The following LRFN5 variants were observed in gnomAD, a reference collection of about 807,000 sequenced individuals.
LRFN5 encodes the protein leucine rich repeat and fibronectin type III domain containing 5.
In LRFN5, 24 loss-of-function variants were observed where a neutral mutation model predicts 45.6. The observed-to-expected ratio is 0.53, with a 90% confidence interval of 0.38 to 0.74. The LOEUF (loss-of-function observed/expected upper bound fraction) is 0.74. LRFN5 is among the 30% of genes least tolerant of loss of function. LRFN5 has a pLI of 0.00. For synonymous variants in LRFN5, 340 were observed against 313.8 expected (o/e 1.08, Z -0.88); for missense variants, 776 against 861.5 (o/e 0.90, Z 1.24).
chr14:41,621,474 A>T (rs1888134285), intron 1 of LRFN5, among the ~76,000 whole-genome samples: 1 of 152,118 alleles, frequency 6.6e-6, no homozygotes, highest in South Asian at 2.1e-4. Flanking sequence ...TGAAATGATA[A>T]ATTGGCTATG....
intron 1 of LRFN5, among the ~76,000 whole-genome samples, chr14:41,652,409 G>C (rs1343285665): frequency 6.6e-6 from 1 of 152,104 alleles, no homozygotes; most frequent in Admixed American, 6.6e-5. Context: ...GCTAGGCGCT[G>C]TTCTCATTAC....
intron 2 of LRFN5, among the ~76,000 whole-genome samples, chr14:41,781,684 GAAAGAAAGAAAA>G (rs1468408853): frequency 6.8e-6 from 1 of 147,972 alleles, no homozygotes; most frequent in Non-Finnish European, 1.5e-5. Flanking sequence ...GAAAGAAAGA[GAAAGAAAGAAAA>G]AGAGAAAGAA....
intron 2 of LRFN5, among the ~76,000 whole-genome samples, chr14:41,827,702 A>G (rs926780461): frequency 6.6e-6 from 1 of 152,084 alleles, no homozygotes; most frequent in Non-Finnish European, 1.5e-5. Flanking sequence ...AAAATTAATT[A>G]TATTTGAATA....
chr14:41,853,564 G>A (rs1285219474), intron 2 of LRFN5, among the ~76,000 whole-genome samples: 1 of 151,814 alleles, frequency 6.6e-6, no homozygotes, highest in Non-Finnish European at 1.5e-5. Flanking sequence ...AGTTTCCTTG[G>A]GTTACATTAG....
Position 41,673,578 on chromosome 14 carries a change from C to A in LRFN5, c.-197+65016C>A, listed in dbSNP as rs1374785795. ...GCGGCTGGCCGGGCAGGGGGTGACCCCCCCCACCTCACTCCCGGATGGGGC... is the reference window on the plus strand; with the variant it reads ...GCGGCTGGCCGGGCAGGGGGTGACCACCCCCACCTCACTCCCGGATGGGGC... On this transcript the variant is annotated intron_variant, in intron 1 of 5. Transcript: ENST00000298119. Among the ~76,000 whole-genome samples, 42 of 147,018 alleles carry A rather than the reference C, an allele frequency of 2.9e-4. 1 individual carries two copies. The highest frequency in any genetic ancestry group is 9.8e-4 in the African/African-American group (39 of 39,694).
chr14:41,773,612 C>T (rs1014390535), intron 2 of LRFN5, among the ~76,000 whole-genome samples: 7 of 151,784 alleles, frequency 4.6e-5, no homozygotes, highest in Admixed American at 2.0e-4. Context: ...CAGATTAATA[C>T]GACTGGAATT....
At chr14:41,892,879 T>G (rs1412119885) in intron 4 of LRFN5, 19 of 985,112 alleles carry the variant, frequency 1.9e-5, no homozygotes, top group Non-Finnish European at 2.3e-5. Context: ...ATTCATTTAA[T>G]ACACATTTTT....
intron 1 of LRFN5, among the ~76,000 whole-genome samples, chr14:41,752,227 A>G (rs971050599): frequency 6.6e-6 from 1 of 152,106 alleles, no homozygotes; most frequent in African/African-American, 2.4e-5. Flanking sequence ...ATAAACTTAC[A>G]TGTGCATGTG....
chr14:41,691,661 C>T lies in LRFN5; in HGVS notation c.-196-75193C>T, dbSNP rs138534891. Among the ~76,000 whole-genome samples the T allele has an allele frequency of 3.0e-3, 449 of 152,000 alleles. 1 individual carries two copies. The highest frequency in any genetic ancestry group is 0.01 in the African/African-American group (433 of 41,508). Reference sequence around the variant, plus strand: ...CATAGATCTTAAATGATGAGTTTGGCGATTTTTTAACAATTGTGTACTTTA... The same window carrying T: ...CATAGATCTTAAATGATGAGTTTGGTGATTTTTTAACAATTGTGTACTTTA... On this transcript the variant is annotated intron_variant, in intron 1 of 5. Transcript: ENST00000298119.
chr14:41,752,321 A>G (rs1181074702), intron 1 of LRFN5, among the ~76,000 whole-genome samples: 1 of 152,156 alleles, frequency 6.6e-6, no homozygotes, highest in Non-Finnish European at 1.5e-5. Context: ...CTAGTTCTAG[A>G]TCCCTGAGGA....
chr14:41,751,627 C>T (rs1273633578), intron 1 of LRFN5, among the ~76,000 whole-genome samples: 9 of 151,960 alleles, frequency 5.9e-5, no homozygotes, highest in Admixed American at 5.9e-4. Flanking sequence ...TCTGAGGATG[C>T]AGAGAAGTCA....
intron 1 of LRFN5, among the ~76,000 whole-genome samples, chr14:41,630,856 T>A (rs1043647564): frequency 2.0e-5 from 3 of 152,146 alleles, no homozygotes; most frequent in Non-Finnish European, 4.4e-5. Flanking sequence ...ATTATTTATA[T>A]AAAGGTATTT....
chr14:41,727,142 T>C (rs937420571), intron 1 of LRFN5, among the ~76,000 whole-genome samples: 4 of 152,190 alleles, frequency 2.6e-5, no homozygotes, highest in Middle Eastern at 3.2e-3. Flanking sequence ...ATCATTTATT[T>C]GAGGGTAATG....
intron 2 of LRFN5, among the ~76,000 whole-genome samples, chr14:41,794,058 T>C (rs115836562): frequency 1.4e-3 from 206 of 152,142 alleles, no homozygotes; most frequent in African/African-American, 4.8e-3. Context: ...CTTCCTTTAT[T>C]CCAGTGCTTT....
chr14:41,743,143 T>C (rs1884777087), intron 1 of LRFN5, among the ~76,000 whole-genome samples: 2 of 152,206 alleles, frequency 1.3e-5, no homozygotes, highest in Admixed American at 6.5e-5. Flanking sequence ...TTATTGTTCA[T>C]GCATATCCTT....
At chr14:41,649,414 C>G (rs1594580966) in intron 1 of LRFN5, among the ~76,000 whole-genome samples, 1 of 152,020 alleles carries the variant, frequency 6.6e-6, no homozygotes, top group East Asian at 1.9e-4. Flanking sequence ...AAAATAAATA[C>G]TCAAATATTT....
At chr14:41,851,919 T>C (rs1889280710) in intron 2 of LRFN5, among the ~76,000 whole-genome samples, 2 of 151,726 alleles carry the variant, frequency 1.3e-5, no homozygotes, top group Non-Finnish European at 3.0e-5. Flanking sequence ...AGCTTTGGTA[T>C]AGAAACCATA....
chr14:41,894,839 TTC>T, intron 4 of LRFN5: 1 of 981,140 alleles, frequency 1.0e-6, no homozygotes, highest in Non-Finnish European at 1.2e-6. Flanking sequence ...AAGCAACAAA[TTC>T]TCTGTCCTTT....
chr14:41,703,966 C>T (rs1010281821), intron 1 of LRFN5, among the ~76,000 whole-genome samples: 7 of 152,040 alleles, frequency 4.6e-5, no homozygotes, highest in African/African-American at 1.7e-4. Flanking sequence ...GTCTGACTTG[C>T]TTATCACTCC....
Sources: allele counts gnomAD v4.1 joint callset (sites outside exome capture counted in the v4.1 genomes callset), GRCh38; gene constraint gnomAD v4.1.1; transcripts MANE v1.5; gene names NCBI Gene and HGNC (gene_info 2026-07-23, HGNC 2026-07-21).